The following USP54 variants were observed in gnomAD, a reference collection of about 807,000 sequenced individuals.
USP54 encodes ubiquitin specific peptidase 54, also known as ubiquitin carboxyl-terminal hydrolase 54.
USP54 carries 87 observed loss-of-function variants against 170.5 expected under a neutral mutation model. That is an observed-to-expected ratio of 0.51 (90% CI 0.43 to 0.61). The LOEUF (loss-of-function observed/expected upper bound fraction) is 0.61, where lower values mean the gene tolerates loss of function less well. Ranked by LOEUF, USP54 falls within the 20% of genes least tolerant of loss-of-function variation. The pLI, the probability that USP54 is intolerant of heterozygous loss-of-function variation, is 0.00. For missense variants in USP54, 1,786 were observed against 2,047.8 expected, an observed-to-expected ratio of 0.87 and a Z score of 2.47; for synonymous variants, 655 against 742.8, an observed-to-expected ratio of 0.88 and a Z score of 1.92.
intron 10 of USP54, 51 bp downstream of exon 10, chr10:73,539,393 C>CTT: frequency 7.2e-7 from 1 of 1,396,292 alleles, no homozygotes. Flanking sequence ...AATGATTATT[C>CTT]TTTTTTTTTG....
chr10:73,625,299 A>G (rs1455424981), intron 1 of USP54, among the ~76,000 whole-genome samples: 1 of 149,206 alleles, frequency 6.7e-6, no homozygotes, highest in Non-Finnish European at 1.5e-5. Context: ...AACCTTCCCA[A>G]CTAATACTAG....
intron 4 of USP54, among the ~76,000 whole-genome samples, chr10:73,556,898 A>C (rs961496647): frequency 1.3e-5 from 2 of 152,144 alleles, no homozygotes; most frequent in Admixed American, 6.6e-5. Context: ...CTCTACCAGC[A>C]CCATTCCCAG....
chr10:73,534,101 G>A (rs1000328332), intron 12 of USP54, among the ~76,000 whole-genome samples: 1 of 152,188 alleles, frequency 6.6e-6, no homozygotes, highest in African/African-American at 2.4e-5. Flanking sequence ...GGAGCATCAC[G>A]GTTCATTCAA....
intron 1 of USP54, among the ~76,000 whole-genome samples, chr10:73,580,564 T>TTTA (rs991854610): frequency 2.1e-5 from 3 of 141,500 alleles, no homozygotes; most frequent in Admixed American, 1.4e-4. Flanking sequence ...CAATTGCTTA[T>TTTA]TTTATTTATT....
At chr10:73,610,349 G>T (rs1394355687) in intron 1 of USP54, among the ~76,000 whole-genome samples, 2 of 152,074 alleles carry the variant, frequency 1.3e-5, no homozygotes, top group African/African-American at 4.8e-5. Context: ...AGGCACAGCG[G>T]CTCACACCTG....
intron 20 of USP54, among the ~76,000 whole-genome samples, chr10:73,509,255 TAA>T (rs1377977737): frequency 6.6e-6 from 1 of 151,492 alleles, no homozygotes; most frequent in Non-Finnish European, 1.5e-5. Context: ...GGTATTATAT[TAA>T]GAGATTATTG....
chr10:73,571,448 T>A lies in USP54; in HGVS notation c.213A>T (p.Gly71=), dbSNP rs187765731. Residue 71 remains glycine (G), a synonymous_variant, in exon 4 of 24, where the codon GGA becomes GGT. Transcript: ENST00000687698. The part of the protein sequence containing the change: ...FRQLTTHKCM[G]DSCIFCALKG... Reference sequence around the variant, plus strand: ...TGAGAGCGCAAAAGATGCAGGAATCTCCCATGCACTTGTGAGTTGTAAGCT... The same window carrying A: ...TGAGAGCGCAAAAGATGCAGGAATCACCCATGCACTTGTGAGTTGTAAGCT... 6 of 1,613,464 alleles carry A rather than the reference T, an allele frequency of 3.7e-6. No homozygotes were observed. Among genetic ancestry groups the A allele is most frequent in the Admixed American group, 3.3e-5 (2 of 59,908 alleles).
chr10:73,532,198 A>G (rs1047734309), intron 12 of USP54, among the ~76,000 whole-genome samples: 1 of 150,750 alleles, frequency 6.6e-6, no homozygotes, highest in African/African-American at 2.4e-5. Context: ...TTTGAGACGG[A>G]GTCTCGCTCT....
At chr10:73,567,325 T>C (rs908400515) in intron 4 of USP54, among the ~76,000 whole-genome samples, 15 of 152,346 alleles carry the variant, frequency 9.8e-5, no homozygotes, top group African/African-American at 3.4e-4. Flanking sequence ...TATACTTTGT[T>C]GCTATTATAA....
chr10:73,532,078 G>A (rs370052638), intron 12 of USP54, among the ~76,000 whole-genome samples: 1 of 152,144 alleles, frequency 6.6e-6, no homozygotes, highest in African/African-American at 2.4e-5. Flanking sequence ...TCAATCAGTT[G>A]CCCCTTGGAA....
intron 20 of USP54, among the ~76,000 whole-genome samples, chr10:73,508,011 A>G (rs147069689): frequency 1.5e-3 from 235 of 152,262 alleles, no homozygotes; most frequent in Non-Finnish European, 2.8e-3. Flanking sequence ...AAAAAGATTT[A>G]CAGAGTAATG....
chr10:73,506,689 C>G (rs762953273), intron 20 of USP54: 13 of 152,038 alleles, frequency 8.6e-5, no homozygotes, highest in Non-Finnish European at 1.2e-4. Flanking sequence ...TGGATGTTAC[C>G]ACAGAGCTGA....
chr10:73,557,611 G>T (rs1027032948), intron 4 of USP54, among the ~76,000 whole-genome samples: 1 of 151,350 alleles, frequency 6.6e-6, no homozygotes, highest in African/African-American at 2.4e-5. Flanking sequence ...TCAGCCTCCC[G>T]AGTAGCTGGG....
intron 19 of USP54, among the ~76,000 whole-genome samples, chr10:73,518,446 A>C (rs911915594): frequency 6.6e-6 from 1 of 152,174 alleles, no homozygotes; most frequent in Non-Finnish European, 1.5e-5. Context: ...TTAAAAACTT[A>C]ATGTTACAAG....
At chr10:73,533,664 T>C (rs1410153354) in intron 12 of USP54, among the ~76,000 whole-genome samples, 1 of 152,168 alleles carries the variant, frequency 6.6e-6, no homozygotes, top group Non-Finnish European at 1.5e-5. Context: ...AGGCATTCTA[T>C]CTCCCAGAAT....
chr10:73,536,858 T>C (rs1160393101), intron 10 of USP54, among the ~76,000 whole-genome samples: 4 of 152,188 alleles, frequency 2.6e-5, no homozygotes, highest in Admixed American at 6.5e-5. Flanking sequence ...TAAAATCACT[T>C]TCATGAAGCT....
At chr10:73,604,388 TTAAAA>T (rs2079451642) in intron 1 of USP54, among the ~76,000 whole-genome samples, 1 of 152,098 alleles carries the variant, frequency 6.6e-6, no homozygotes, top group Non-Finnish European at 1.5e-5. Flanking sequence ...TTCTTCAAAA[TTAAAA>T]TAAAATGACA....
At chr10:73,528,216 G>A (rs565664587) in intron 15 of USP54, among the ~76,000 whole-genome samples, 66 of 151,620 alleles carry the variant, frequency 4.4e-4, no homozygotes, top group African/African-American at 1.4e-3. Context: ...TTACAGGCAT[G>A]AGCCACCGCG....
chr10:73,504,895 G>A lies in USP54; in HGVS notation c.4266C>T (p.Thr1422=), dbSNP rs199772846. 17 of 1,614,062 alleles carry A rather than the reference G, an allele frequency of 1.1e-5. No homozygotes were observed. The East Asian group carries it at 2.0e-4, about 19-fold the overall frequency. ...LRRISRSLSG[T]VVSEREEAPV... ...GAGCTTCCTCCCTCTCTGAGACAAC[G>A]GTGCCACTGAGACTGCGTGAGATGC... is the stretch of plus-strand genomic sequence containing the variant. The change falls in exon 22 of 24, where the codon ACC becomes ACT. Residue 1422 remains threonine, a synonymous_variant. Transcript: ENST00000687698.
Sources: allele counts gnomAD v4.1 joint callset (sites outside exome capture counted in the v4.1 genomes callset), GRCh38; gene constraint gnomAD v4.1.1; transcripts MANE v1.5; gene names NCBI Gene and HGNC (gene_info 2026-07-23, HGNC 2026-07-21).